The following ROBO2 variants were observed in gnomAD, a reference collection of about 807,000 sequenced individuals.
The protein encoded by ROBO2 is roundabout homolog 2.
In ROBO2, 53 loss-of-function variants were observed where a neutral mutation model predicts 160.8. The observed-to-expected ratio is 0.33, with a 90% CI of 0.26 to 0.41. ROBO2 has a LOEUF of 0.41. ROBO2 is among the 10% of genes least tolerant of loss of function. ROBO2 has a pLI of 1.00. For synonymous variants in ROBO2, 664 were observed against 611.7 expected (o/e 1.09, Z -1.26); for missense variants, 1,577 against 1,722.4 (o/e 0.92, Z 1.49).
chr3:77,631,755 T>A (rs1446499486), intron 23 of ROBO2: 3 of 152,094 alleles, frequency 2.0e-5, no homozygotes, highest in Admixed American at 1.3e-4. Context: ...AAAATTCATA[T>A]TAATGCTGAT....
chr3:76,393,132 G>A (rs2077239132), intron 2 of ROBO2, among the ~76,000 whole-genome samples: 1 of 152,066 alleles, frequency 6.6e-6, no homozygotes, highest in Admixed American at 6.6e-5. Context: ...ACATCGTTTT[G>A]TGTATTGCAA....
At chr3:75,953,042 T>A (rs887291470) in intron 2 of ROBO2, among the ~76,000 whole-genome samples, 8 of 152,076 alleles carry the variant, frequency 5.3e-5, no homozygotes, top group African/African-American at 1.9e-4. Context: ...ACATTTTGAT[T>A]TTAGTGATCA....
chr3:76,326,519 G>T (rs1050542353), intron 2 of ROBO2, among the ~76,000 whole-genome samples: 1 of 150,992 alleles, frequency 6.6e-6, no homozygotes, highest in Non-Finnish European at 1.5e-5. Context: ...ATACATATAT[G>T]TATATTACAT....
At chr3:77,145,668 C>T (rs956759461) in intron 2 of ROBO2, among the ~76,000 whole-genome samples, 5 of 151,912 alleles carry the variant, frequency 3.3e-5, no homozygotes, top group Admixed American at 3.3e-4. Context: ...CATCACACAT[C>T]GACTGAATGA....
In ROBO2 at chr3:76,565,520, A is replaced by G. The variant is rs557931768; in HGVS notation, c.110-532494A>G. On this transcript the variant is annotated intron_variant, in intron 2 of 26. Coordinates refer to the ROBO2 transcript ENST00000487694. ...GTCGTACCTATCTGCACTGTAGTTG[A>G]AGCACAAAATGTTTCCATTTTTCTT... Among the ~76,000 whole-genome samples the G allele has an allele frequency of 1.8e-4, 28 of 152,334 alleles. No homozygotes were observed. The South Asian group carries it at 5.8e-3, about 32-fold the overall frequency.
chr3:76,170,672 T>C (rs1310112232), intron 2 of ROBO2, among the ~76,000 whole-genome samples: 1 of 152,172 alleles, frequency 6.6e-6, no homozygotes, highest in East Asian at 1.9e-4. Flanking sequence ...AAAATGAGAA[T>C]AGTAATGGTT....
intron 2 of ROBO2, among the ~76,000 whole-genome samples, chr3:76,677,781 G>C (rs1208626788): frequency 6.6e-6 from 1 of 151,834 alleles, no homozygotes; most frequent in Non-Finnish European, 1.5e-5. Context: ...TTGTGATCAT[G>C]TGATTATAAG....
intron 2 of ROBO2, among the ~76,000 whole-genome samples, chr3:77,191,457 A>G (rs1190743211): frequency 6.6e-6 from 1 of 152,124 alleles, no homozygotes; most frequent in Non-Finnish European, 1.5e-5. Flanking sequence ...ACAGATAGGA[A>G]CTGTGATCTC....
chr3:77,595,166 G>A, exon 18 of ROBO2: 1 of 1,611,912 alleles, frequency 6.2e-7, no homozygotes, highest in Non-Finnish European at 8.5e-7. Context: ...GGAGATGGAG[G>A]ACTAATGAGC....
intron 2 of ROBO2, among the ~76,000 whole-genome samples, chr3:76,835,561 G>A (rs923754891): frequency 1.3e-5 from 2 of 151,296 alleles, no homozygotes; most frequent in Non-Finnish European, 3.0e-5. Flanking sequence ...CAAAGGGATC[G>A]TTGATACATA....
chr3:76,247,673 C>T (rs2107538497), intron 2 of ROBO2, among the ~76,000 whole-genome samples: 1 of 152,062 alleles, frequency 6.6e-6, no homozygotes, highest in East Asian at 1.9e-4. Flanking sequence ...TTTGGTCTTA[C>T]TCATTCTTCA....
intron 2 of ROBO2, among the ~76,000 whole-genome samples, chr3:76,110,216 G>A (rs1258921623): frequency 6.6e-6 from 1 of 151,966 alleles, no homozygotes; most frequent in Non-Finnish European, 1.5e-5. Context: ...TAGTAGACGT[G>A]ATGGCAAACC....
chr3:77,133,710 T>C (rs566268001), intron 2 of ROBO2, among the ~76,000 whole-genome samples: 1 of 152,086 alleles, frequency 6.6e-6, no homozygotes, highest in African/African-American at 2.4e-5. Flanking sequence ...CTGAGAAAAT[T>C]GGACATATTT....
At chr3:77,177,876 C>A (rs998157875) in intron 2 of ROBO2, among the ~76,000 whole-genome samples, 1 of 151,886 alleles carries the variant, frequency 6.6e-6, no homozygotes, top group Non-Finnish European at 1.5e-5. Context: ...TAATTATGTA[C>A]GTATATGTGC....
At chr3:76,180,848 A>G (rs953968561) in intron 2 of ROBO2, among the ~76,000 whole-genome samples, 12 of 152,040 alleles carry the variant, frequency 7.9e-5, no homozygotes, top group Admixed American at 2.6e-4. Context: ...CCATCCTACA[A>G]GGCCCTGAAT....
chr3:76,529,327 A>C (rs927991642), intron 2 of ROBO2, among the ~76,000 whole-genome samples: 2 of 152,176 alleles, frequency 1.3e-5, no homozygotes, highest in Non-Finnish European at 1.5e-5. Context: ...ATTGCTCTGC[A>C]TGTATTCCAG....
At chr3:76,180,508 A>G (rs1399838225) in intron 2 of ROBO2, among the ~76,000 whole-genome samples, 2 of 152,132 alleles carry the variant, frequency 1.3e-5, no homozygotes, top group Non-Finnish European at 2.9e-5. Flanking sequence ...TTTCTCAAGT[A>G]GAAACTTTGG....
rs184198565 is a variant in ROBO2 at position 76,094,436 on chromosome 3, A to G, written c.109+156834A>G. Among the ~76,000 whole-genome samples, 42 of 152,350 alleles carry G rather than the reference A, an allele frequency of 2.8e-4. No homozygotes were observed. The East Asian group carries it at 6.4e-3, about 23-fold the overall frequency. On this transcript the variant is annotated intron_variant, in intron 2 of 26. Transcript: ENST00000487694. Reference sequence around the variant, plus strand: ...TTTTATTTTCAAGGATTCACAGTCAATAACGAAATACAGCTGGGCTTAGAA... The same window carrying G: ...TTTTATTTTCAAGGATTCACAGTCAGTAACGAAATACAGCTGGGCTTAGAA...
chr3:77,027,142 G>C (rs1046599083), intron 2 of ROBO2, among the ~76,000 whole-genome samples: 4 of 152,174 alleles, frequency 2.6e-5, no homozygotes, highest in African/African-American at 4.8e-5. Context: ...ATATAATTCT[G>C]TTCCTCAGTT....
Sources: allele counts gnomAD v4.1 joint callset (sites outside exome capture counted in the v4.1 genomes callset), GRCh38; gene constraint gnomAD v4.1.1; transcripts MANE v1.5; gene names NCBI Gene and HGNC (gene_info 2026-07-23, HGNC 2026-07-21).